LNP1: variants seen among roughly 807,000 people sequenced by gnomAD.
The protein encoded by LNP1 is leukemia NUP98 fusion partner 1.
Under a neutral mutation model 14.5 loss-of-function variants are expected in LNP1, and 12 were observed. That is an observed-to-expected ratio of 0.83 (90% CI 0.53 to 1.34). LNP1 has a LOEUF of 1.34. LNP1 is among the 40% of genes most tolerant of loss of function. The pLI, the probability that LNP1 is intolerant of heterozygous loss-of-function variation, is 0.00. For synonymous variants in LNP1, 75 were observed against 71.4 expected, an observed-to-expected ratio of 1.05 and a Z score of -0.26; for missense variants, 198 against 210.9, an observed-to-expected ratio of 0.94 and a Z score of 0.38.
chr3:100,415,720 A>G (rs1291441411), intron 1 of LNP1, among the ~76,000 whole-genome samples: 1 of 152,220 alleles, frequency 6.6e-6, no homozygotes, highest in Non-Finnish European at 1.5e-5. Flanking sequence ...TGGAAATTAC[A>G]TAAAAGCTTA....
At chr3:100,455,105 TATC>T (rs1474821499) in intron 3 of LNP1, among the ~76,000 whole-genome samples, 1 of 152,240 alleles carries the variant, frequency 6.6e-6, no homozygotes, top group Non-Finnish European at 1.5e-5. Context: ...TGTTTACAGT[TATC>T]ATTGCACTTA....
chr3:100,447,866 A>G (rs1291082822), intron 2 of LNP1, among the ~76,000 whole-genome samples: 1 of 152,102 alleles, frequency 6.6e-6, no homozygotes, highest in Admixed American at 6.5e-5. Flanking sequence ...TGTTTTATAT[A>G]TGAGCTTTAA....
At chr3:100,431,990 GTTTA>G (rs1707245862) in intron 2 of LNP1, among the ~76,000 whole-genome samples, 1 of 94,946 alleles carries the variant, frequency 1.1e-5, no homozygotes. Flanking sequence ...ATGAGACCTT[GTTTA>G]TATATATATA....
At chr3:100,435,869 C>T (rs1707289734) in intron 2 of LNP1, among the ~76,000 whole-genome samples, 1 of 152,154 alleles carries the variant, frequency 6.6e-6, no homozygotes, top group African/African-American at 2.4e-5. Flanking sequence ...CAATTAGGCC[C>T]TATTCATGAA....
chr3:100,423,591 A>G (rs1707165375), intron 1 of LNP1, among the ~76,000 whole-genome samples: 1 of 152,228 alleles, frequency 6.6e-6, no homozygotes, highest in South Asian at 2.1e-4. Context: ...GATCATTTTC[A>G]CTGATTACCT....
At chr3:100,424,496 G>C (rs1408211955) in intron 1 of LNP1, among the ~76,000 whole-genome samples, 2 of 152,256 alleles carry the variant, frequency 1.3e-5, no homozygotes, top group South Asian at 4.2e-4. Context: ...ATTGTGCAAG[G>C]CAAGTGTTTA....
rs750892187 is a variant in LNP1, at chr3:100,451,852, C to T, written c.290C>T (p.Pro97Leu). The T allele has an allele frequency of 1.6e-6, 2 of 1,223,380 alleles. No individual in the cohort carries two copies. The highest frequency in any genetic ancestry group is 2.1e-6 in the Non-Finnish European group (2 of 968,326). The allele number at this position is 1,223,380 out of a possible 1,614,324, so 75.8% of individuals were successfully genotyped here. ...TCAGAGGATGGGTCATTCAAGGAGC[C>T]ACTGGAATCAAAAGGAAGATCCCAT... ...KYSEDGSFKEPLESKGRSHSK... is the reference protein window; with the variant it reads ...KYSEDGSFKELLESKGRSHSK... Residue 97 changes from proline to leucine, a missense_variant, in exon 3 of 4, where the codon CCA becomes CTA. Transcript: ENST00000383693.
chr3:100,444,111 A>G (rs1707367758), intron 2 of LNP1, among the ~76,000 whole-genome samples: 1 of 152,168 alleles, frequency 6.6e-6, no homozygotes, highest in South Asian at 2.1e-4. Context: ...TGAGTCTTGA[A>G]GTTTTTCTTC....
At chr3:100,408,314 C>T (rs1242840260) in intron 1 of LNP1, among the ~76,000 whole-genome samples, 1 of 152,186 alleles carries the variant, frequency 6.6e-6, no homozygotes, top group East Asian at 1.9e-4. Flanking sequence ...GCAGCCCTTC[C>T]AGCTCTAGGG....
At chr3:100,429,270 T>G (rs890182182) in intron 1 of LNP1, among the ~76,000 whole-genome samples, 1 of 152,198 alleles carries the variant, frequency 6.6e-6, no homozygotes, top group Non-Finnish European at 1.5e-5. Flanking sequence ...GGTCAGTCTG[T>G]TCCTTGTATG....
At chr3:100,454,419 A>G (rs1217802758) in intron 3 of LNP1, among the ~76,000 whole-genome samples, 1 of 152,198 alleles carries the variant, frequency 6.6e-6, no homozygotes, top group East Asian at 1.9e-4. Context: ...GGCTAACTAC[A>G]TTAGAAAGTG....
intron 1 of LNP1, among the ~76,000 whole-genome samples, chr3:100,405,359 A>G (rs1022250897): frequency 4.6e-5 from 7 of 152,248 alleles, no homozygotes; most frequent in Non-Finnish European, 1.0e-4. Flanking sequence ...AAGAGTATGT[A>G]TAACACATAA....
chr3:100,407,943 T>A (rs1256581865), intron 1 of LNP1, among the ~76,000 whole-genome samples: 1 of 152,250 alleles, frequency 6.6e-6, no homozygotes, highest in East Asian at 1.9e-4. Flanking sequence ...TTTTATTATT[T>A]CAATTTATCT....
rs114264745 is a variant in LNP1 at position 100,407,015 on chromosome 3, A to G, written c.-34+4576A>G. On this transcript the variant is annotated intron_variant, in intron 1 of 3. Transcript: ENST00000383693. Reference sequence around the variant, plus strand: ...TCAATTTCACAATTTAAGTATTTTTATATTGCATATCCATCAACAAGTTGC... The same window carrying G: ...TCAATTTCACAATTTAAGTATTTTTGTATTGCATATCCATCAACAAGTTGC... Among the ~76,000 whole-genome samples the G allele has an allele frequency of 4.0e-3, 612 of 152,298 alleles. 3 individuals carry two copies. The highest frequency in any genetic ancestry group is 7.9e-3 in the South Asian group (38 of 4,826).
intron 2 of LNP1, among the ~76,000 whole-genome samples, chr3:100,434,620 C>T (rs1226003300): frequency 6.8e-6 from 1 of 147,918 alleles, no homozygotes; most frequent in African/African-American, 2.5e-5. Context: ...CCTCTGCCTC[C>T]AGGGTTCGAG....
chr3:100,427,063 G>A (rs1050850659), intron 1 of LNP1, among the ~76,000 whole-genome samples: 1 of 151,984 alleles, frequency 6.6e-6, no homozygotes, highest in East Asian at 1.9e-4. Context: ...TTCCCAGTTG[G>A]AATGCAAGGG....
chr3:100,415,116 A>G (rs1316689283), intron 1 of LNP1, among the ~76,000 whole-genome samples: 1 of 152,222 alleles, frequency 6.6e-6, no homozygotes, highest in Non-Finnish European at 1.5e-5. Flanking sequence ...TGATAGGGTA[A>G]AGGATAAGCT....
intron 1 of LNP1, among the ~76,000 whole-genome samples, chr3:100,409,845 G>A (rs958952193): frequency 6.6e-5 from 10 of 151,238 alleles, no homozygotes; most frequent in East Asian, 2.0e-4. Context: ...TCTACCCACC[G>A]CAGCCTCCCA....
At chr3:100,416,595 TTTTTTGTGTGTGTGTGTGTG>T (rs1241995970) in intron 1 of LNP1, among the ~76,000 whole-genome samples, 5 of 73,074 alleles carry the variant, frequency 6.8e-5, no homozygotes, top group Non-Finnish European at 1.2e-4. Context: ...TGAGTATATC[TTTTTTGTGTGTGTGTGTGTG>T]TGTGTGTGTG....
Sources: allele counts gnomAD v4.1 joint callset (sites outside exome capture counted in the v4.1 genomes callset), GRCh38; gene constraint gnomAD v4.1.1; transcripts MANE v1.5; gene names NCBI Gene and HGNC (gene_info 2026-07-23, HGNC 2026-07-21).